Variants in EPHA3 observed in about 807,000 individuals in gnomAD.
EPHA3 encodes the protein EPH receptor A3.
A neutral mutation model predicts 107.1 loss-of-function variants in EPHA3; 42 were observed. That is an observed-to-expected ratio of 0.39 (90% confidence interval 0.31 to 0.51). EPHA3 has a LOEUF of 0.51. Ranked by LOEUF, EPHA3 falls within the 20% of genes least tolerant of loss-of-function variation. The probability of loss-of-function intolerance (pLI) is 0.78; values close to 1 mark genes in which losing one functional copy is unlikely to be tolerated. For missense variants in EPHA3, 1,183 were observed against 1,211.2 expected (o/e 0.98, Z 0.35); for synonymous variants, 461 against 424.8 (o/e 1.09, Z -1.05).
intron 13 of EPHA3, among the ~76,000 whole-genome samples, chr3:89,440,627 G>C (rs1709764745): frequency 6.6e-6 from 1 of 152,128 alleles, no homozygotes; most frequent in Admixed American, 6.5e-5. Flanking sequence ...TCGAGCTTAG[G>C]GAACTGAATT....
chr3:89,447,655 G>T (rs1410833820), intron 13 of EPHA3, among the ~76,000 whole-genome samples: 1 of 152,110 alleles, frequency 6.6e-6, no homozygotes, highest in Non-Finnish European at 1.5e-5. Flanking sequence ...TCTGTGCTTT[G>T]ATTTATGCCA....
intron 15 of EPHA3, among the ~76,000 whole-genome samples, chr3:89,458,835 A>G (rs1474842905): frequency 6.6e-6 from 1 of 152,204 alleles, no homozygotes; most frequent in Non-Finnish European, 1.5e-5. Flanking sequence ...TACACCATGG[A>G]ATACTATGCA....
intron 13 of EPHA3, among the ~76,000 whole-genome samples, chr3:89,444,522 AT>A (rs1397158818): frequency 2.0e-5 from 3 of 152,068 alleles, no homozygotes; most frequent in Non-Finnish European, 4.4e-5. Flanking sequence ...TTTAGTATTA[AT>A]TGCTAAATTT....
intron 3 of EPHA3, among the ~76,000 whole-genome samples, chr3:89,235,947 A>T (rs1336849935): frequency 2.0e-5 from 3 of 152,110 alleles, no homozygotes; most frequent in African/African-American, 7.2e-5. Context: ...CCCACAAAGC[A>T]AACATATATA....
intron 3 of EPHA3, among the ~76,000 whole-genome samples, chr3:89,253,046 G>T (rs1489147092): frequency 6.6e-6 from 1 of 151,888 alleles, no homozygotes; most frequent in Non-Finnish European, 1.5e-5. Context: ...CCGAGCAATA[G>T]AGAAAGATTT....
chr3:89,460,823 C>CTTTTTTTTTTTTTT (rs753656853), intron 15 of EPHA3, among the ~76,000 whole-genome samples: 63 of 102,776 alleles, frequency 6.1e-4, no homozygotes, highest in African/African-American at 1.5e-3. Context: ...CTCTGTCTCT[C>CTTTTTTTTTTTTTT]TTTTTTTTTT....
chr3:89,407,501 T>C (rs2107516712), intron 8 of EPHA3, 130 bp downstream of exon 8: 2 of 705,148 alleles, frequency 2.8e-6, no homozygotes, highest in Non-Finnish European at 2.4e-6. Context: ...ACTTGTAGTT[T>C]AGGTCCTCTC....
intron 3 of EPHA3, among the ~76,000 whole-genome samples, chr3:89,302,399 T>TG (rs756907860): frequency 6.6e-6 from 1 of 152,144 alleles, no homozygotes; most frequent in African/African-American, 2.4e-5. Context: ...GACCAAAAGG[T>TG]GTTCTAACAT....
chr3:89,337,086 C>T (rs1446971254), intron 3 of EPHA3, among the ~76,000 whole-genome samples: 1 of 149,702 alleles, frequency 6.7e-6, no homozygotes, highest in African/African-American at 2.4e-5. Context: ...AAAAGAAAAA[C>T]AAAAATCCTA....
chr3:89,438,380 G>T (rs984981624), intron 13 of EPHA3, among the ~76,000 whole-genome samples: 1 of 151,962 alleles, frequency 6.6e-6, no homozygotes, highest in Non-Finnish European at 1.5e-5. Flanking sequence ...CAAAGTGCTG[G>T]GATTACAGGT....
At chr3:89,461,069 A>G (rs1267224947) in intron 15 of EPHA3, among the ~76,000 whole-genome samples, 1 of 106,348 alleles carries the variant, frequency 9.4e-6, no homozygotes, top group African/African-American at 4.1e-5. Flanking sequence ...GAGTGAGAAT[A>G]TGCGGTGTTT....
At chr3:89,363,062 T>A (rs1456806578) in intron 5 of EPHA3, among the ~76,000 whole-genome samples, 1 of 150,928 alleles carries the variant, frequency 6.6e-6, no homozygotes, top group Admixed American at 6.6e-5. Flanking sequence ...CTATCTACTC[T>A]CTTTTTAAAC....
At chr3:89,370,293 G>A (rs1363351673) in intron 5 of EPHA3, among the ~76,000 whole-genome samples, 1 of 151,662 alleles carries the variant, frequency 6.6e-6, no homozygotes, top group Admixed American at 6.6e-5. Context: ...TTAAGAAAAT[G>A]TGGCACATAT....
chr3:89,171,107 T>G (rs1421523508), intron 2 of EPHA3, among the ~76,000 whole-genome samples: 10 of 152,178 alleles, frequency 6.6e-5, no homozygotes, highest in Admixed American at 2.0e-4. Context: ...TGAAGATTTT[T>G]ATGTCTCAAA....
chr3:89,412,417 C>G (rs1187294437), intron 9 of EPHA3, among the ~76,000 whole-genome samples: 2 of 151,472 alleles, frequency 1.3e-5, no homozygotes, highest in Non-Finnish European at 3.0e-5. Flanking sequence ...CATTATTCAA[C>G]TCATAGACAA....
chr3:89,331,230 T>A (rs1196696625), intron 3 of EPHA3, among the ~76,000 whole-genome samples: 1 of 152,322 alleles, frequency 6.6e-6, no homozygotes, highest in Non-Finnish European at 1.5e-5. Flanking sequence ...TTATTGTGTA[T>A]GTGCAATAAT....
intron 2 of EPHA3, among the ~76,000 whole-genome samples, chr3:89,161,048 T>C (rs1294298892): frequency 6.6e-6 from 1 of 152,174 alleles, no homozygotes; most frequent in African/African-American, 2.4e-5. Flanking sequence ...GATGTTACCA[T>C]CTGAGTGATG....
At chr3:89,208,439 A>G (rs138985387) in intron 2 of EPHA3, among the ~76,000 whole-genome samples, 789 of 71,102 alleles carry the variant, frequency 0.011, 29 homozygotes, top group African/African-American at 0.033. Context: ...AGAAAGAAAG[A>G]AAGAAAGAAA....
Position 89,246,802 on chromosome 3 carries a change from ATC to A in EPHA3, c.814+36284_814+36285del, listed in dbSNP as rs1297516626. Reference sequence around the variant, plus strand: ...CATTGCTAACATTTACATTATTTAAATCTTTTTTTTTATTTTGCTCCTTATTA... The same window carrying A: ...CATTGCTAACATTTACATTATTTAAATTTTTTTTTATTTTGCTCCTTATTA... On this transcript the variant is annotated intron_variant, in intron 3 of 16. Transcript: ENST00000336596. 4.1e-4 allele frequency among the ~76,000 whole-genome samples: 63 copies of A among 152,176 alleles called. 2 individuals carry two copies. Among genetic ancestry groups the A allele is most frequent in the Admixed American group, 4.1e-3 (63 of 15,276 alleles).
Sources: allele counts gnomAD v4.1 joint callset (sites outside exome capture counted in the v4.1 genomes callset), GRCh38; gene constraint gnomAD v4.1.1; transcripts MANE v1.5; gene names NCBI Gene and HGNC (gene_info 2026-07-23, HGNC 2026-07-21).